The following MTMR8 variants were observed in gnomAD, a reference collection of about 807,000 sequenced individuals.
MTMR8 encodes phosphatidylinositol-3,5-bisphosphate 3-phosphatase MTMR8.
MTMR8 carries 65 observed loss-of-function variants against 39.3 expected under a neutral mutation model. The ratio of observed to expected loss-of-function variants is 1.65; its 90% CI spans 1.35 to 2.03. The LOEUF is 2.03. Ranked by LOEUF, MTMR8 falls within the 30% of genes most tolerant of loss-of-function variation. The pLI, the probability that MTMR8 is intolerant of heterozygous loss-of-function variation, is 0.00. For synonymous variants in MTMR8, 245 were observed against 185.2 expected (o/e 1.32, Z -2.62); for missense variants, 777 against 538.9 (o/e 1.44, Z -4.37).
chrX:64,312,446 C>T (rs992793428), intron 12 of MTMR8, among the ~76,000 whole-genome samples: 6 of 111,958 alleles, frequency 5.4e-5, no homozygotes, highest in Non-Finnish European at 1.1e-4. Context: ...CTCACCACTC[C>T]CATTCAACAT....
chrX:64,305,803 C>T (rs1173699262), intron 12 of MTMR8: 2 of 357,063 alleles, frequency 5.6e-6, no homozygotes, highest in Non-Finnish European at 1.1e-5. Flanking sequence ...GGTGGTGGCT[C>T]TTTGTGGTGA....
intron 11 of MTMR8, among the ~76,000 whole-genome samples, chrX:64,330,972 G>C (rs1311660470): frequency 9.0e-6 from 1 of 111,644 alleles, no homozygotes; most frequent in Non-Finnish European, 1.9e-5. Context: ...GGAAAGGGTA[G>C]GAAGCGGGTG....
intron 12 of MTMR8, among the ~76,000 whole-genome samples, chrX:64,313,226 C>A (rs1004101958): frequency 8.9e-5 from 10 of 112,395 alleles, no homozygotes; most frequent in African/African-American, 3.2e-4. Flanking sequence ...TTCAGTGTGG[C>A]CATCTTCACC....
intron 8 of MTMR8, among the ~76,000 whole-genome samples, chrX:64,341,831 G>A (rs1348635086): frequency 8.9e-6 from 1 of 111,858 alleles, no homozygotes; most frequent in Non-Finnish European, 1.9e-5. Context: ...ATGCACTGTG[G>A]TACAAACTAT....
At chrX:64,344,583 C>A (rs913288040) in intron 7 of MTMR8, among the ~76,000 whole-genome samples, 1 of 111,217 alleles carries the variant, frequency 9.0e-6, no homozygotes, top group Admixed American at 9.6e-5. Flanking sequence ...TAACAGATCA[C>A]CAAAACTGTC....
chrX:64,369,699 C>T (rs757756501), intron 1 of MTMR8, among the ~76,000 whole-genome samples: 1 of 111,023 alleles, frequency 9.0e-6, no homozygotes, highest in African/African-American at 3.3e-5. Flanking sequence ...ACCAACATGG[C>T]ACATGTATAC....
At chrX:64,393,281 T>C (rs921114673) in intron 1 of MTMR8, among the ~76,000 whole-genome samples, 3 of 111,778 alleles carry the variant, frequency 2.7e-5, no homozygotes, top group Non-Finnish European at 5.6e-5. Flanking sequence ...ATTGTAAGGA[T>C]TCAAGGCATA....
intron 1 of MTMR8, among the ~76,000 whole-genome samples, chrX:64,361,294 A>G (rs1923773565): frequency 9.0e-6 from 1 of 111,371 alleles, no homozygotes; most frequent in Non-Finnish European, 1.9e-5. Flanking sequence ...ACCTTATCCA[A>G]TTGATTCCAG....
chrX:64,275,051 T>C (rs1319397014), intron 12 of MTMR8, among the ~76,000 whole-genome samples: 1 of 111,279 alleles, frequency 9.0e-6, no homozygotes, highest in Non-Finnish European at 1.9e-5. Context: ...GAGAGTAAAT[T>C]TCAAGTGTCT....
At chrX:64,368,232 T>C (rs960836700) in intron 1 of MTMR8, among the ~76,000 whole-genome samples, 14 of 111,206 alleles carry the variant, frequency 1.3e-4, no homozygotes, top group African/African-American at 4.3e-4. Context: ...CCAATTACTT[T>C]CTTCACAGAA....
intron 12 of MTMR8, among the ~76,000 whole-genome samples, chrX:64,302,530 G>A (rs1204393925): frequency 1.5e-4 from 17 of 111,975 alleles, no homozygotes; most frequent in Middle Eastern, 4.6e-3. Context: ...CGTCTTATGC[G>A]TCGCTCACGC....
intron 1 of MTMR8, among the ~76,000 whole-genome samples, chrX:64,389,507 G>A (rs1391373933): frequency 8.9e-6 from 1 of 111,991 alleles, no homozygotes; most frequent in African/African-American, 3.2e-5. Flanking sequence ...GGTTGAAGGA[G>A]TGGGTTTTGG....
chrX:64,340,393 G>A (rs1923183846), intron 8 of MTMR8, among the ~76,000 whole-genome samples: 1 of 111,428 alleles, frequency 9.0e-6, no homozygotes. Context: ...AGACGGCAAG[G>A]CTGTTCCCAA....
chrX:64,333,501 G>A (rs1480249790), intron 10 of MTMR8, among the ~76,000 whole-genome samples: 2 of 111,691 alleles, frequency 1.8e-5, no homozygotes, highest in South Asian at 7.5e-4. Context: ...AACTTTCACC[G>A]ATTTGCCCAG....
intron 12 of MTMR8, among the ~76,000 whole-genome samples, chrX:64,316,104 G>A (rs559881447): frequency 3.1e-4 from 34 of 111,264 alleles, no homozygotes; most frequent in Admixed American, 7.7e-4. Flanking sequence ...ATCAGATAGC[G>A]TTATAATTTT....
chrX:64,305,565 G>A (rs1922081176), intron 12 of MTMR8: 3 of 456,948 alleles, frequency 6.6e-6, no homozygotes, highest in African/African-American at 2.4e-5. Context: ...TTCAATTCCA[G>A]TAGCCATGTT....
chrX:64,380,429 A>C (rs919565694), intron 1 of MTMR8, among the ~76,000 whole-genome samples: 1 of 112,561 alleles, frequency 8.9e-6, no homozygotes, highest in Non-Finnish European at 1.9e-5. Flanking sequence ...CCACCCTCAA[A>C]GGTTAACTTA....
intron 12 of MTMR8, among the ~76,000 whole-genome samples, chrX:64,290,726 C>A (rs1921366224): frequency 8.9e-6 from 1 of 111,753 alleles, no homozygotes; most frequent in South Asian, 3.7e-4. Context: ...CCATACAGTA[C>A]ATAGCATTTT....
At chrX:64,344,336 C>T (rs1273916623) in intron 7 of MTMR8, among the ~76,000 whole-genome samples, 1 of 111,258 alleles carries the variant, frequency 9.0e-6, no homozygotes, top group African/African-American at 3.3e-5. Context: ...TGAGATCTGG[C>T]AAGGGTGATG....
Sources: allele counts gnomAD v4.1 joint callset (sites outside exome capture counted in the v4.1 genomes callset), GRCh38; gene constraint gnomAD v4.1.1; transcripts MANE v1.5; gene names NCBI Gene and HGNC (gene_info 2026-07-23, HGNC 2026-07-21).